MEI1: variants seen among roughly 807,000 people sequenced by gnomAD.
The protein encoded by MEI1 is meiosis inhibitor protein 1.
Under a neutral mutation model 146.2 loss-of-function variants are expected in MEI1, and 103 were observed. That is an observed-to-expected ratio of 0.70 (90% CI 0.60 to 0.83). MEI1 has a LOEUF of 0.83. MEI1 is among the 40% of genes least tolerant of loss of function. The pLI is 0.00. For missense variants in MEI1, 1,529 were observed against 1,533.0 expected (o/e 1.00, Z 0.04); for synonymous variants, 652 against 628.2 (o/e 1.04, Z -0.57).
intron 6 of MEI1, among the ~76,000 whole-genome samples, chr22:41,719,466 C>A (rs372318208): frequency 6.6e-6 from 1 of 152,218 alleles, no homozygotes; most frequent in Non-Finnish European, 1.5e-5. Context: ...GGATTAAAGG[C>A]GCAAGCCACT....
chr22:41,784,530 G>T (rs1029670043), intron 25 of MEI1, 78 bp from the exon 26 acceptor site: 2 of 1,590,192 alleles, frequency 1.3e-6, no homozygotes, highest in South Asian at 1.1e-5. Context: ...CATCTTCATT[G>T]TCTCCCATCC....
At chr22:41,725,288 A>C (rs994519159) in intron 7 of MEI1, among the ~76,000 whole-genome samples, 6 of 151,538 alleles carry the variant, frequency 4.0e-5, no homozygotes, top group African/African-American at 1.5e-4. Flanking sequence ...AATTTTTTGC[A>C]TTTTTAGAAG....
chr22:41,785,323 C>T (rs538670873), intron 26 of MEI1, among the ~76,000 whole-genome samples: 10 of 151,124 alleles, frequency 6.6e-5, no homozygotes, highest in Non-Finnish European at 1.3e-4. Context: ...TGTGTGGTGG[C>T]GTGATCTCGA....
At chr22:41,792,207 G>A (rs2076204505) in intron 26 of MEI1, among the ~76,000 whole-genome samples, 1 of 152,168 alleles carries the variant, frequency 6.6e-6, no homozygotes, top group Non-Finnish European at 1.5e-5. Flanking sequence ...TGAAGCCTAA[G>A]CTAGGGCTCT....
At chr22:41,783,701 T>G (rs1211184806) in intron 24 of MEI1, among the ~76,000 whole-genome samples, 1 of 151,904 alleles carries the variant, frequency 6.6e-6, no homozygotes, top group Admixed American at 6.6e-5. Context: ...TTTTATTTTT[T>G]AAAGAAATGG....
chr22:41,700,618 A>G (rs981743253), intron 1 of MEI1, among the ~76,000 whole-genome samples: 3 of 152,058 alleles, frequency 2.0e-5, no homozygotes, highest in Non-Finnish European at 4.4e-5. Context: ...GGCGTGAGCC[A>G]CGGTGCCCGA....
At chr22:41,752,194 ATTG>A (rs1176684799) in intron 15 of MEI1, among the ~76,000 whole-genome samples, 2 of 152,224 alleles carry the variant, frequency 1.3e-5, no homozygotes, top group Non-Finnish European at 2.9e-5. Context: ...CTGAAACTGG[ATTG>A]TTTTCTATAA....
chr22:41,757,969 G>A (rs139449429), intron 17 of MEI1, among the ~76,000 whole-genome samples: 2,017 of 152,148 alleles, frequency 0.013, 18 homozygotes, highest in Non-Finnish European at 0.02. Context: ...TTAGCTGGGC[G>A]TGGTGGTGGG....
intron 18 of MEI1, among the ~76,000 whole-genome samples, chr22:41,761,994 C>T (rs1601998348): frequency 6.6e-6 from 1 of 152,150 alleles, no homozygotes; most frequent in African/African-American, 2.4e-5. Flanking sequence ...GATTAATATA[C>T]CTTTGTATGT....
intron 18 of MEI1, among the ~76,000 whole-genome samples, chr22:41,759,764 G>A (rs1376302994): frequency 6.6e-6 from 1 of 152,158 alleles, no homozygotes; most frequent in Admixed American, 6.5e-5. Flanking sequence ...AGGAGGTGGA[G>A]GTTGGAGTGA....
At chr22:41,724,902 C>T (rs1008587990) in intron 7 of MEI1, among the ~76,000 whole-genome samples, 1 of 151,762 alleles carries the variant, frequency 6.6e-6, no homozygotes, top group Non-Finnish European at 1.5e-5. Flanking sequence ...CTCCTGGGCT[C>T]AAGCGATCCT....
chr22:41,779,833 C>T (rs1301304796), intron 22 of MEI1, among the ~76,000 whole-genome samples: 4 of 152,118 alleles, frequency 2.6e-5, no homozygotes, highest in South Asian at 2.1e-4. Flanking sequence ...CAAACCTCCT[C>T]GGTTTCTCAA....
chr22:41,796,416 G>A (rs113515611), intron 30 of MEI1, among the ~76,000 whole-genome samples: 8 of 149,570 alleles, frequency 5.3e-5, no homozygotes, highest in Middle Eastern at 3.5e-3. Flanking sequence ...GGCTGGTCTC[G>A]AACTCCTGAC....
chr22:41,725,468 T>C (rs1415097442), intron 7 of MEI1, among the ~76,000 whole-genome samples: 1 of 152,164 alleles, frequency 6.6e-6, no homozygotes, highest in East Asian at 1.9e-4. Flanking sequence ...AAATGGAGAA[T>C]ACTTACAGCA....
At chr22:41,771,001 G>T (rs1475458375) in intron 20 of MEI1, 40 bp downstream of exon 20, 1 of 1,593,672 alleles carries the variant, frequency 6.3e-7, no homozygotes, top group South Asian at 1.1e-5. Flanking sequence ...CAGAAATCGT[G>T]GGCCTTCTCT....
chr22:41,758,363 A>G lies in MEI1; in HGVS notation c.1952-2A>G, dbSNP rs2074233537. ...GCTTTCCTCTACTTATTCCCTCCCT[A>G]GAACTCTCTGCAGTGTCTGAGCTCC... On this transcript the variant is annotated splice_acceptor_variant, in intron 17 of 30. Coordinates refer to ENST00000401548, the MANE Select transcript of MEI1 (RefSeq NM_152513.4). LOFTEE classifies it high-confidence loss of function. The G allele has an allele frequency of 2.5e-6, 4 of 1,611,620 alleles. No individual in the cohort carries two copies. The South Asian group carries it at 4.4e-5, about 18-fold the overall frequency.
intron 17 of MEI1, 43 bp downstream of exon 17, chr22:41,754,089 C>T: frequency 1.4e-6 from 2 of 1,435,024 alleles, no homozygotes; most frequent in Non-Finnish European, 2.0e-6. Flanking sequence ...CTGTGCTGGT[C>T]TTTAGAGTCT....
At chr22:41,784,999 CA>C (rs1358272117) in intron 26 of MEI1, among the ~76,000 whole-genome samples, 1 of 151,106 alleles carries the variant, frequency 6.6e-6, no homozygotes, top group East Asian at 1.9e-4. Context: ...TGCAGTGGCG[CA>C]ATCTTGGCTC....
intron 3 of MEI1, chr22:41,709,479 C>T (rs1164661864): frequency 1.5e-6 from 1 of 648,796 alleles, no homozygotes; most frequent in Non-Finnish European, 2.9e-6. Flanking sequence ...CAGCCTTTGT[C>T]TTGGGCATGG....
Sources: allele counts gnomAD v4.1 joint callset (sites outside exome capture counted in the v4.1 genomes callset), GRCh38; gene constraint gnomAD v4.1.1; transcripts MANE v1.5; gene names NCBI Gene and HGNC (gene_info 2026-07-23, HGNC 2026-07-21).